ATP8B4: variants seen among roughly 807,000 people sequenced by gnomAD.
ATP8B4 encodes the protein probable phospholipid-transporting ATPase IM.
ATP8B4 carries 133 observed loss-of-function variants against 145.6 expected under a neutral mutation model. The observed-to-expected ratio is 0.91, with a 90% CI of 0.79 to 1.05. The LOEUF (loss-of-function observed/expected upper bound fraction) is 1.05. ATP8B4 is among the 50% of genes least tolerant of loss of function. The pLI, the probability that ATP8B4 is intolerant of heterozygous loss-of-function variation, is 0.00. For synonymous variants in ATP8B4, 507 were observed against 492.9 expected (o/e 1.03, Z -0.38); for missense variants, 1,458 against 1,425.2 (o/e 1.02, Z -0.37).
At chr15:50,063,889 G>A (rs375519992) in intron 3 of ATP8B4, among the ~76,000 whole-genome samples, 2 of 152,106 alleles carry the variant, frequency 1.3e-5, no homozygotes, top group East Asian at 3.9e-4. Context: ...TTTGGTCTCT[G>A]AAGAAAAGCT....
rs551018796 is a variant in ATP8B4 at position 49,958,615 on chromosome 15, C to T, written c.1287+3362G>A. Among the ~76,000 whole-genome samples the T allele has an allele frequency of 4.6e-4, 70 of 150,994 alleles. No homozygotes were observed. The East Asian group carries it at 6.2e-3, about 13-fold the overall frequency. Reference sequence around the variant, plus strand: ...ACCTATGAGTCTTTTCAAATAAATGCGAAAAGAAATATGAATTTAAAAGAC... The same window carrying T: ...ACCTATGAGTCTTTTCAAATAAATGTGAAAAGAAATATGAATTTAAAAGAC... On this transcript the variant is annotated intron_variant, in intron 14 of 27. Coordinates refer to ENST00000284509, the MANE Select transcript of ATP8B4 (RefSeq NM_024837.4).
intron 19 of ATP8B4, among the ~76,000 whole-genome samples, chr15:49,917,942 C>G (rs2039905880): frequency 6.6e-6 from 1 of 152,158 alleles, no homozygotes; most frequent in Non-Finnish European, 1.5e-5. Flanking sequence ...TAGTAACACA[C>G]CGGAGTGCTC....
Position 49,860,458 on chromosome 15 carries a change from C to T in ATP8B4, c.3315G>A (p.Lys1105=), listed in dbSNP as rs2031439054. Residue 1105 remains lysine (K), a synonymous_variant, in exon 28 of 28, where the codon AAG becomes AAA. Coordinates refer to ENST00000284509, the MANE Select transcript of ATP8B4 (RefSeq NM_024837.4). The stretch of plus-strand genomic sequence containing the variant: ...TTGGAGGCCTTGCCTTCTTTTGAGC[C>T]TTCTGCCACCGGCGGATCTGGAGAG... The part of the protein sequence containing the change: ...TLSDQIRRWQ[K]AQKKARPPSS... 1.2e-6 allele frequency: 2 copies of T among 1,611,158 alleles called. No homozygotes were observed. Among genetic ancestry groups the T allele is most frequent in the Non-Finnish European group, 1.7e-6 (2 of 1,179,082 alleles).
chr15:50,179,408 G>A (rs927025025), intron 1 of ATP8B4, among the ~76,000 whole-genome samples: 22 of 152,168 alleles, frequency 1.4e-4, no homozygotes, highest in Non-Finnish European at 1.3e-4. Context: ...GGCCAGGTAT[G>A]TTCTAGTATG....
chr15:50,099,872 C>T (rs958571126), intron 2 of ATP8B4, among the ~76,000 whole-genome samples: 4 of 151,894 alleles, frequency 2.6e-5, no homozygotes, highest in African/African-American at 9.7e-5. Flanking sequence ...CCCATCTCTA[C>T]TAAAAATACA....
chr15:49,991,752 GTCTTCTATAAACTCTTA>G (rs1324170974), intron 9 of ATP8B4, among the ~76,000 whole-genome samples: 1 of 152,116 alleles, frequency 6.6e-6, no homozygotes, highest in East Asian at 1.9e-4. Context: ...ATTTGGCCAA[GTCTTCTATAAACTCTTA>G]TCAGGGATCC....
intron 20 of ATP8B4, among the ~76,000 whole-genome samples, chr15:49,909,311 ACTTACCACCCGTGGAC>A (rs2038970853): frequency 2.0e-5 from 3 of 152,148 alleles, no homozygotes; most frequent in African/African-American, 7.2e-5. Flanking sequence ...ACCCACCTGC[ACTTACCACCCGTGGAC>A]CTGGGGAATG....
At chr15:50,147,548 A>G (rs2044294532) in intron 1 of ATP8B4, among the ~76,000 whole-genome samples, 1 of 152,160 alleles carries the variant, frequency 6.6e-6, no homozygotes, top group African/African-American at 2.4e-5. Context: ...CATAGTCAAA[A>G]GACAAAAGCA....
At chr15:49,991,418 C>T (rs929328076) in intron 9 of ATP8B4, among the ~76,000 whole-genome samples, 6 of 152,094 alleles carry the variant, frequency 3.9e-5, no homozygotes, top group Non-Finnish European at 8.8e-5. Flanking sequence ...AAACACATTT[C>T]GACAATTTAC....
chr15:49,881,541 A>G (rs1215077892), intron 23 of ATP8B4, among the ~76,000 whole-genome samples: 2 of 152,160 alleles, frequency 1.3e-5, no homozygotes, highest in Non-Finnish European at 2.9e-5. Flanking sequence ...AGCCACGTGA[A>G]GGATAATGCA....
intron 3 of ATP8B4, among the ~76,000 whole-genome samples, chr15:50,071,742 G>C (rs1398790384): frequency 6.6e-6 from 1 of 152,148 alleles, no homozygotes; most frequent in African/African-American, 2.4e-5. Context: ...TCACCTTGGG[G>C]AATTATAGCC....
At chr15:50,126,738 T>G (rs968464234) in intron 1 of ATP8B4, among the ~76,000 whole-genome samples, 16 of 152,202 alleles carry the variant, frequency 1.1e-4, no homozygotes, top group Non-Finnish European at 1.8e-4. Context: ...GCAGGCAATC[T>G]GATAAGCAAG....
chr15:50,067,509 C>G (rs2053463040), intron 3 of ATP8B4, among the ~76,000 whole-genome samples: 2 of 152,168 alleles, frequency 1.3e-5, no homozygotes, highest in South Asian at 4.1e-4. Context: ...GGCAAAACTT[C>G]CTCAAACACT....
intron 26 of ATP8B4, among the ~76,000 whole-genome samples, chr15:49,864,679 C>T (rs1417412706): frequency 6.6e-6 from 1 of 152,122 alleles, no homozygotes. Flanking sequence ...TTTAGAGGGT[C>T]CTTTGCTACT....
chr15:50,071,297 GC>G (rs1474880058), intron 3 of ATP8B4, among the ~76,000 whole-genome samples: 2 of 152,116 alleles, frequency 1.3e-5, no homozygotes, highest in Non-Finnish European at 2.9e-5. Context: ...TGGGTGGTAG[GC>G]AAATGGTATG....
At chr15:49,886,261 C>G (rs900530785) in intron 23 of ATP8B4, among the ~76,000 whole-genome samples, 6 of 150,134 alleles carry the variant, frequency 4.0e-5, no homozygotes, top group Admixed American at 2.6e-4. Flanking sequence ...GTAGGATACT[C>G]AATCTCTCTG....
intron 1 of ATP8B4, among the ~76,000 whole-genome samples, chr15:50,111,622 G>A (rs1311515848): frequency 2.0e-5 from 3 of 152,132 alleles, no homozygotes; most frequent in Non-Finnish European, 2.9e-5. Context: ...TGTCCTTTGG[G>A]GCCACACGCC....
chr15:49,924,333 G>A (rs1054068680), intron 16 of ATP8B4, among the ~76,000 whole-genome samples: 1 of 152,150 alleles, frequency 6.6e-6, no homozygotes, highest in Admixed American at 6.5e-5. Flanking sequence ...ATGAATGAAT[G>A]ACATGGCTGG....
intron 13 of ATP8B4, among the ~76,000 whole-genome samples, chr15:49,967,903 C>G (rs1029780178): frequency 6.6e-6 from 1 of 152,122 alleles, no homozygotes. Flanking sequence ...AAAGGGAAGC[C>G]CATCAGACTA....
Sources: gnomAD v4.1 joint callset for allele counts (sites outside exome capture counted in the v4.1 genomes callset) on GRCh38, gnomAD v4.1.1 for gene constraint, MANE v1.5 for transcripts, NCBI Gene and HGNC (gene_info 2026-07-23, HGNC 2026-07-21) for gene names.